The following PER1 variants were observed in gnomAD, a reference collection of about 807,000 sequenced individuals.
PER1 encodes period circadian protein homolog 1.
Under a neutral mutation model 125.9 loss-of-function variants are expected in PER1, and 87 were observed. The ratio of observed to expected loss-of-function variants is 0.69; its 90% CI spans 0.58 to 0.83. The LOEUF is 0.83. Ranked by LOEUF, PER1 falls within the 40% of genes least tolerant of loss-of-function variation. PER1 has a pLI of 0.00. For synonymous variants in PER1, 801 were observed against 714.7 expected, an observed-to-expected ratio of 1.12 and a Z score of -1.93; for missense variants, 1,775 against 1,722.8, an observed-to-expected ratio of 1.03 and a Z score of -0.54.
In PER1 at chr17:8,141,942, C is replaced by T; in HGVS notation, c.3463G>A (p.Val1155Met). Residue 1155 changes from valine to methionine, a missense_variant, in exon 22 of 23, where the codon GTG (valine) becomes ATG (methionine). Coordinates refer to ENST00000317276, the MANE Select transcript of PER1 (RefSeq NM_002616.3). ...YQVPSRDMTS[V>M]LKQDRERLRA... ...AGCCGCTCCCGATCCTGCTTCAGCA[C>T]AGAGGTCATGTCCCTGCCCAAGAAG... 1.2e-6 allele frequency: 2 copies of T among 1,614,002 alleles called. No individual in the cohort carries two copies. Among genetic ancestry groups the T allele is most frequent in the Non-Finnish European group, 8.5e-7 (1 of 1,180,026 alleles).
At chr17:8,151,809 C>T (rs1381487087) in intron 1 of PER1, among the ~76,000 whole-genome samples, 1 of 152,148 alleles carries the variant, frequency 6.6e-6, no homozygotes, top group Non-Finnish European at 1.5e-5. Flanking sequence ...GCCAACAGAT[C>T]TTTCTTCCCC....
At chr17:8,148,601 C>G in intron 8 of PER1, 43 bp downstream of exon 8, 1 of 1,554,760 alleles carries the variant, frequency 6.4e-7, no homozygotes, top group East Asian at 2.3e-5. Flanking sequence ...AGGAAATGTC[C>G]TTCCTCCCAG....
In PER1 at chr17:8,141,015, C is replaced by A; in HGVS notation, c.*53G>T. On this transcript the variant is annotated 3_prime_UTR_variant, in exon 23 of 23. Transcript: ENST00000317276. ...CACATCTGAGTTCTGAGAATTGGGA[C>A]ATAGGAGAAGAAAGCCTCTCATGGA... The A allele has an allele frequency of 1.3e-6, 2 of 1,552,630 alleles. No homozygotes were observed. The highest frequency in any genetic ancestry group is 1.7e-6 in the Non-Finnish European group (2 of 1,143,640).
Position 8,150,337 on chromosome 17 carries a change from C to T in PER1, c.276-20G>A. On this transcript the variant is annotated intron_variant, in intron 2 of 22. Coordinates refer to ENST00000317276, the MANE Select transcript of PER1 (RefSeq NM_002616.3). ...TTTGTGCTAGGAGACAGCAACAGGC[C>T]CAGTTACAGGTAGGGCCAGCAGTGC... 1 of 1,546,714 alleles carries T rather than the reference C, an allele frequency of 6.5e-7. No individual in the cohort carries two copies. The highest frequency in any genetic ancestry group is 1.2e-5 in the South Asian group (1 of 80,796).
At chr17:8,148,557 T>C (rs1202390988) in intron 8 of PER1, 87 bp downstream of exon 8, 3 of 1,437,540 alleles carry the variant, frequency 2.1e-6, no homozygotes, top group African/African-American at 2.9e-5. Context: ...TCAAAGGGTG[T>C]GGTTCATGCC....
rs1248748939 is a variant in PER1 at position 8,150,602 on chromosome 17, A to C, written c.105T>G (p.Pro35=). ...CATCGGCCAGGCTGGGGCCTGGGCA[A>C]GGCCGGTGCTGTGGGGGCCCAGGGG... ...VPSPGPPQHR[P]CPGPSLADDT... Residue 35 remains proline (P), a synonymous_variant, in exon 2 of 23, where the codon CCT becomes CCG. Coordinates refer to ENST00000317276, the MANE Select transcript of PER1 (RefSeq NM_002616.3). 1.9e-6 allele frequency: 3 copies of C among 1,613,916 alleles called. No homozygotes were observed. In the African/African-American group the frequency reaches 4.0e-5, roughly 22 times the overall value.
At position 8,142,744 on chromosome 17, in the gene PER1, G is replaced by C. The variant is rs751892911; in HGVS notation, c.3164C>G (p.Thr1055Arg). Residue 1055 changes from threonine (T) to arginine (R), a missense_variant, in exon 20 of 23, where the codon ACA becomes AGA. Coordinates refer to ENST00000317276, the MANE Select transcript of PER1 (RefSeq NM_002616.3). Reference sequence around the variant, plus strand: ...CAAGGAGCCCGAGGCTGCGGAGCCTGTGCCGGAGCGCGAGTCCTCTTGCAG... The same window carrying C: ...CAAGGAGCCCGAGGCTGCGGAGCCTCTGCCGGAGCGCGAGTCCTCTTGCAG... ...LLLQEDSRSG[T>R]GSAASGSLGS... 4 of 1,613,938 alleles carry C rather than the reference G, an allele frequency of 2.5e-6. No homozygotes were observed. Among genetic ancestry groups the C allele is most frequent in the Non-Finnish European group, 3.4e-6 (4 of 1,180,002 alleles).
chr17:8,145,449 G>A (rs936928133), intron 17 of PER1, among the ~76,000 whole-genome samples: 5 of 148,848 alleles, frequency 3.4e-5, no homozygotes, highest in Non-Finnish European at 7.4e-5. Context: ...CCAGCCTCCC[G>A]AGTAGCTGGG....
chr17:8,149,103 C>A, intron 7 of PER1, 156 bp downstream of exon 7: 1 of 705,380 alleles, frequency 1.4e-6, no homozygotes, highest in Non-Finnish European at 2.4e-6. Flanking sequence ...GCAGGAGAAT[C>A]GCTTGAACCT....
chr17:8,142,824 A>G lies in PER1; in HGVS notation c.3084T>C (p.Thr1028=). The G allele has an allele frequency of 6.2e-7, 1 of 1,602,818 alleles. No individual in the cohort carries two copies. ...AEPEARLAEV[T]ESSNQDALSG... ...AAAGTGCGTCCTGATTGGAGGACTC[A>G]GTGACCTCCGCCTGGAGGAGGGGAG... Residue 1028 remains threonine (T), a synonymous_variant, in exon 20 of 23, where the codon ACT becomes ACC. Coordinates refer to ENST00000317276, the MANE Select transcript of PER1 (RefSeq NM_002616.3).
Position 8,147,640 on chromosome 17 carries a change from C to G in PER1, c.1388+34G>C, listed in dbSNP as rs776923990. ...CCTGTCCCCCACCGCACTGCCCTATCCCCAACGCCAGCTCGGGGGCATGGC... is the reference window on the plus strand; with the variant it reads ...CCTGTCCCCCACCGCACTGCCCTATGCCCAACGCCAGCTCGGGGGCATGGC... On this transcript the variant is annotated intron_variant, in intron 11 of 22. Transcript: ENST00000317276. The G allele has an allele frequency of 3.1e-6, 5 of 1,613,652 alleles. No individual in the cohort carries two copies. The African/African-American group carries it at 5.3e-5, about 17-fold the overall frequency.
chr17:8,147,871 C>A, intron 10 of PER1, 44 bp from the exon 11 acceptor site: 1 of 1,609,820 alleles, frequency 6.2e-7, no homozygotes, highest in Admixed American at 1.7e-5. Context: ...GGAGGGAGAG[C>A]TGAGTAAGAG....
At chr17:8,142,209 A>C (rs1982122931) in intron 21 of PER1, 60 bp downstream of exon 21, 4 of 1,402,604 alleles carry the variant, frequency 2.9e-6, no homozygotes, top group Non-Finnish European at 3.9e-6. Flanking sequence ...CCCAGAAAAG[A>C]AAACTGCCCC....
At position 8,148,723 on chromosome 17, in the gene PER1, G is replaced by A. The variant is rs754480474; in HGVS notation, c.969C>T (p.Thr323=). The change falls in exon 8 of 23, where the codon ACC becomes ACT. Residue 323 remains threonine (T), a synonymous_variant. Coordinates refer to ENST00000317276, the MANE Select transcript of PER1 (RefSeq NM_002616.3). ...YQPFRLTPYV[T]KIRVSDGAPA... ...GGGCCCCATCTGAGACCCGGATCTT[G>A]GTCACATACGGGGTTAGGCGGAATG... 5.6e-6 allele frequency: 9 copies of A among 1,613,770 alleles called. No individual in the cohort carries two copies. Among genetic ancestry groups the A allele is most frequent in the Admixed American group, 1.7e-5 (1 of 59,932 alleles).
At chr17:8,147,091 G>C in intron 13 of PER1, 89 bp from the exon 14 acceptor site, 1 of 1,395,088 alleles carries the variant, frequency 7.2e-7, no homozygotes, top group Non-Finnish European at 1.0e-6. Context: ...AGGTACCAGT[G>C]GGGAGGCACA....
Position 8,143,763 on chromosome 17 carries a change from G to C in PER1, c.2575C>G (p.Pro859Ala), listed in dbSNP as rs112980285. 6.3e-7 allele frequency: 1 copy of C among 1,591,888 alleles called. No individual in the cohort carries two copies. The highest frequency in any genetic ancestry group is 1.3e-5 in the African/African-American group (1 of 74,442). ...GGGGTGGAGGGTGGCACGGGTGAGGGGTGTGAGACATAGCAGGGCGCTTCA... is the reference window on the plus strand; with the variant it reads ...GGGGTGGAGGGTGGCACGGGTGAGGCGTGTGAGACATAGCAGGGCGCTTCA... ...RAEAPCYVSH[P>A]SPVPPSTPWP... Residue 859 changes from proline to alanine, a missense_variant, in exon 19 of 23, where the codon CCC becomes GCC. Pro to Ala is a conservative substitution (Grantham distance 27). Transcript: ENST00000317276.
chr17:8,150,461 G>A lies in PER1; in HGVS notation c.246C>T (p.Ala82=). The A allele has an allele frequency of 2.5e-6, 4 of 1,613,516 alleles. No homozygotes were observed. Among genetic ancestry groups the A allele is most frequent in the Non-Finnish European group, 3.4e-6 (4 of 1,179,684 alleles). ...TGCTGCTCTCAGTGGTCTCCAGCAG[G>A]GCTGAGTCCTTGCCGTTGCCTGAGG... is the stretch of plus-strand genomic sequence containing the variant. ...SSSSGNGKDS[A]LLETTESSKS... The change falls in exon 2 of 23, where the codon GCC becomes GCT. Residue 82 remains alanine, a synonymous_variant. Coordinates refer to ENST00000317276, the MANE Select transcript of PER1 (RefSeq NM_002616.3).
chr17:8,145,599 C>T (rs1353971156), intron 17 of PER1, among the ~76,000 whole-genome samples: 3 of 152,158 alleles, frequency 2.0e-5, no homozygotes, highest in Admixed American at 1.3e-4. Flanking sequence ...GCTGGGATTA[C>T]AGGCCTGAGC....
At chr17:8,149,434 G>GC (rs762191440) in intron 6 of PER1, 28 bp downstream of exon 6, 15 of 1,609,084 alleles carry the variant, frequency 9.3e-6, no homozygotes, top group East Asian at 6.7e-5. Flanking sequence ...GACTGCTCAT[G>GC]CCTCCCCACA....
Sources: allele counts gnomAD v4.1 joint callset (sites outside exome capture counted in the v4.1 genomes callset), GRCh38; gene constraint gnomAD v4.1.1; transcripts MANE v1.5; gene names NCBI Gene and HGNC (gene_info 2026-07-23, HGNC 2026-07-21).